RHOQ: variants seen among roughly 807,000 people sequenced by gnomAD.
The protein encoded by RHOQ is ras homolog family member Q.
RHOQ carries 7 observed loss-of-function variants against 25.8 expected under a neutral mutation model. That is an observed-to-expected ratio of 0.27 (90% CI 0.15 to 0.51). The LOEUF (loss-of-function observed/expected upper bound fraction) is 0.51. RHOQ is among the 20% of genes least tolerant of loss of function. RHOQ has a pLI of 0.97. For synonymous variants in RHOQ, 97 were observed against 98.6 expected (o/e 0.98, Z 0.10); for missense variants, 165 against 260.6 (o/e 0.63, Z 2.53).
chr2:46,557,785 CT>C (rs1193402789), intron 2 of RHOQ, among the ~76,000 whole-genome samples: 2 of 152,196 alleles, frequency 1.3e-5, no homozygotes, highest in African/African-American at 4.8e-5. Flanking sequence ...TTCAACTCTG[CT>C]GTTTATTTTG....
At position 46,583,022 on chromosome 2, in the gene RHOQ, T is replaced by C. The variant is rs1669452600; in HGVS notation, c.*1939T>C. ...TTGGTCTGCTTATTTTTAGATAAAA[T>C]TGAAAGGAATTGTATAAATCAATTA... On this transcript the variant is annotated 3_prime_UTR_variant, in exon 5 of 5. Coordinates refer to ENST00000238738, the MANE Select transcript of RHOQ (RefSeq NM_012249.4). 1 of 152,148 alleles carries C rather than the reference T, an allele frequency of 6.6e-6. No individual in the cohort carries two copies. Among genetic ancestry groups the C allele is most frequent in the Admixed American group, 6.5e-5 (1 of 15,278 alleles). 9.4% of individuals were successfully genotyped at this position (152,148 alleles called of 1,614,324 possible).
intron 2 of RHOQ, among the ~76,000 whole-genome samples, chr2:46,559,820 C>G (rs989072670): frequency 1.7e-4 from 26 of 152,216 alleles, no homozygotes; most frequent in African/African-American, 6.3e-4. Context: ...GTCATATAAA[C>G]CAGGAAAGAA....
chr2:46,576,655 A>T lies in RHOQ; in HGVS notation c.461A>T (p.Glu154Val). Residue 154 changes from glutamate to valine, a missense_variant and splice_region_variant, in exon 4 of 5, where the codon GAG (glutamate) becomes GTG (valine). Glu to Val is a moderately radical substitution (Grantham distance 121, BLOSUM62 -2). Coordinates refer to ENST00000238738, the MANE Select transcript of RHOQ (RefSeq NM_012249.4). The surrounding 1 kb of genome is among the most constrained non-coding windows in gnomAD (Gnocchi z 5.1). ...GAACAAGGACAGAAACTAGCAAAAG[A>T]GGTAATGGAACACTCACAGAATTTA... ...CVEQGQKLAKEIGACCYVECS... is the reference protein window; with the variant it reads ...CVEQGQKLAKVIGACCYVECS... 3 of 1,560,070 alleles carry T rather than the reference A, an allele frequency of 1.9e-6. No individual in the cohort carries two copies. Among genetic ancestry groups the T allele is most frequent in the Non-Finnish European group, 2.6e-6 (3 of 1,140,132 alleles).
chr2:46,563,780 T>C (rs1329305031), intron 2 of RHOQ, among the ~76,000 whole-genome samples: 1 of 152,088 alleles, frequency 6.6e-6, no homozygotes, highest in Non-Finnish European at 1.5e-5. Flanking sequence ...ATCATACCTT[T>C]GCACACTTGT....
chr2:46,570,011 A>C (rs761359882), intron 2 of RHOQ, among the ~76,000 whole-genome samples: 3 of 152,222 alleles, frequency 2.0e-5, no homozygotes, highest in Non-Finnish European at 2.9e-5. Flanking sequence ...AAACTTACCA[A>C]AGTGTTTTCA....
chr2:46,543,632 G>T (rs541246755), intron 1 of RHOQ, 122 bp from the exon 2 acceptor site: 3 of 804,038 alleles, frequency 3.7e-6, no homozygotes, highest in East Asian at 2.7e-5. Context: ...GTGACATCTC[G>T]CGGGGAGCGC....
chr2:46,561,710 G>C (rs1241189204), intron 2 of RHOQ, among the ~76,000 whole-genome samples: 1 of 152,090 alleles, frequency 6.6e-6, no homozygotes, highest in Non-Finnish European at 1.5e-5. Context: ...CTTGGCTCTT[G>C]TATTCATCTG....
At chr2:46,546,300 A>G (rs779980777) in intron 2 of RHOQ, among the ~76,000 whole-genome samples, 3 of 151,490 alleles carry the variant, frequency 2.0e-5, no homozygotes, top group Admixed American at 6.6e-5. Context: ...AGATCTCTAC[A>G]TTGCACTTGG....
chr2:46,551,111 A>T (rs1312606060), intron 2 of RHOQ, among the ~76,000 whole-genome samples: 1 of 152,198 alleles, frequency 6.6e-6, no homozygotes, highest in Non-Finnish European at 1.5e-5. Context: ...AAGGGGCTTA[A>T]CCTTCGGAAA....
chr2:46,557,257 T>G (rs185710193), intron 2 of RHOQ, among the ~76,000 whole-genome samples: 10 of 152,338 alleles, frequency 6.6e-5, no homozygotes, highest in Non-Finnish European at 1.5e-5. Flanking sequence ...GAGATTTACA[T>G]AAAATGATAT....
chr2:46,578,190 A>T (rs928430643), intron 4 of RHOQ, among the ~76,000 whole-genome samples: 1 of 152,178 alleles, frequency 6.6e-6, no homozygotes, highest in African/African-American at 2.4e-5. Context: ...CACCTATAGA[A>T]TTGGCAAAAA....
chr2:46,572,013 C>T (rs1447834891), intron 2 of RHOQ, among the ~76,000 whole-genome samples: 2 of 149,612 alleles, frequency 1.3e-5, no homozygotes, highest in Non-Finnish European at 3.0e-5. Context: ...CCATTGGCTA[C>T]ATTTCTCTGT....
Position 46,542,960 on chromosome 2 carries a change from G to T in RHOQ, c.-87G>T. ...GCGGCGCGGAGCGGCGGCGACGGCG[G>T]CGGACCCCCCAGGCGGGCTGGGGCT... On this transcript the variant is annotated 5_prime_UTR_variant, in exon 1 of 5. Coordinates refer to ENST00000238738, the MANE Select transcript of RHOQ (RefSeq NM_012249.4). 1.1e-6 allele frequency: 1 copy of T among 900,686 alleles called. No individual in the cohort carries two copies. The highest frequency in any genetic ancestry group is 1.4e-6 in the Non-Finnish European group (1 of 715,158). The allele number at this position is 900,686 out of a possible 1,614,324, so 55.8% of individuals were successfully genotyped here. A position where few individuals can be genotyped will look rare whatever the true frequency, so the allele number is the denominator to read the frequency against.
chr2:46,578,534 C>A (rs1669217598), intron 4 of RHOQ, among the ~76,000 whole-genome samples: 2 of 124,616 alleles, frequency 1.6e-5, no homozygotes, highest in African/African-American at 6.3e-5. Flanking sequence ...GAATTCGAGA[C>A]CAGCCTGGGC....
intron 2 of RHOQ, among the ~76,000 whole-genome samples, chr2:46,573,569 T>C (rs1273829328): frequency 1.3e-5 from 2 of 152,362 alleles, no homozygotes; most frequent in East Asian, 3.9e-4. Context: ...TGTCCTCCTT[T>C]GTGCTCACGT....
chr2:46,550,239 T>TA (rs201834273), intron 2 of RHOQ, among the ~76,000 whole-genome samples: 1,575 of 139,938 alleles, frequency 0.011, 27 homozygotes, highest in African/African-American at 0.036. Flanking sequence ...CGTGTTTATT[T>TA]AAAAAAAAAA....
chr2:46,579,069 A>T (rs1669246749), intron 4 of RHOQ, among the ~76,000 whole-genome samples: 1 of 152,246 alleles, frequency 6.6e-6, no homozygotes, highest in South Asian at 2.1e-4. Flanking sequence ...GCATCTATTA[A>T]AACTTCATAC....
At chr2:46,573,634 A>G (rs1669009842) in intron 2 of RHOQ, among the ~76,000 whole-genome samples, 1 of 152,236 alleles carries the variant, frequency 6.6e-6, no homozygotes, top group African/African-American at 2.4e-5. Flanking sequence ...TCTGTACAAT[A>G]TATTTACCTT....
rs981662894 is a variant in RHOQ, at chr2:46,555,699, G to GC, written c.201+11888dup. 1.3e-5 allele frequency among the ~76,000 whole-genome samples: 2 copies of GC among 152,228 alleles called. No homozygotes were observed. Among genetic ancestry groups the GC allele is most frequent in the African/African-American group, 2.4e-5 (1 of 41,458 alleles). ...GGCTATGCGCATGTACTGTTCTCCA[G>GC]CAAGTCTAGACCTGTAGGAGTCCTT... On this transcript the variant is annotated intron_variant, in intron 2 of 4. Coordinates refer to ENST00000238738, the MANE Select transcript of RHOQ (RefSeq NM_012249.4). The surrounding 1 kb of genome is among the most constrained non-coding windows in gnomAD (Gnocchi z 4.3).
Sources: gnomAD v4.1 joint callset for allele counts (sites outside exome capture counted in the v4.1 genomes callset) on GRCh38, gnomAD v4.1.1 for gene constraint, Gnocchi (gnomAD v3.1) non-coding constraint, MANE v1.5 for transcripts, NCBI Gene and HGNC (gene_info 2026-07-23, HGNC 2026-07-21) for gene names.